Variants in PARD3 observed in about 807,000 individuals in gnomAD.
PARD3 encodes partitioning defective 3 homolog.
PARD3 carries 75 observed loss-of-function variants against 155.4 expected under a neutral mutation model. The ratio of observed to expected loss-of-function variants is 0.48; its 90% CI spans 0.40 to 0.58. The LOEUF (loss-of-function observed/expected upper bound fraction) is 0.58. Among genes scored for constraint, PARD3 ranks in the 20% least tolerant of loss-of-function variants. The pLI is 0.00. For synonymous variants in PARD3, 576 were observed against 610.5 expected, an observed-to-expected ratio of 0.94 and a Z score of 0.83; for missense variants, 1,642 against 1,721.7, an observed-to-expected ratio of 0.95 and a Z score of 0.82.
intron 2 of PARD3, among the ~76,000 whole-genome samples, chr10:34,617,704 A>G (rs2091353643): frequency 6.6e-6 from 1 of 152,254 alleles, no homozygotes; most frequent in Admixed American, 6.5e-5. Context: ...TTCTCAAATT[A>G]AAAGCAAAGC....
At chr10:34,673,725 C>A (rs919577276) in intron 2 of PARD3, among the ~76,000 whole-genome samples, 3 of 152,138 alleles carry the variant, frequency 2.0e-5, no homozygotes, top group Non-Finnish European at 4.4e-5. Context: ...CAAAGTTATT[C>A]TCTCTACTAC....
At position 34,348,045 on chromosome 10, in the gene PARD3, C is replaced by A; in HGVS notation, c.2138G>T (p.Arg713Ile). 2 of 1,613,398 alleles carry A rather than the reference C, an allele frequency of 1.2e-6. No individual in the cohort carries two copies. The highest frequency in any genetic ancestry group is 1.7e-6 in the Non-Finnish European group (2 of 1,179,726). The change falls in exon 15 of 25, where the codon AGA (arginine) becomes ATA (isoleucine). Residue 713 changes from arginine (R) to isoleucine (I), a missense_variant. By Grantham distance (97) the Arg-to-Ile change is moderately conservative. This residue lies in a region of PARD3 where 1,529 missense variants were observed against 1,587.3 expected (regional missense o/e 0.96). Coordinates refer to ENST00000374788, the MANE Select transcript of PARD3 (RefSeq NM_001184785.2). ...CCCACTGTAGAGGGAATGGGAAATT[C>A]TTCGTTCTCTATCATCCAACGCTGT... ...IETALDDRER[R>I]ISHSLYSGIE... is the part of the protein sequence containing the mutation.
chr10:34,693,146 T>C (rs2094102465), intron 2 of PARD3, among the ~76,000 whole-genome samples: 1 of 152,234 alleles, frequency 6.6e-6, no homozygotes, highest in Non-Finnish European at 1.5e-5. Flanking sequence ...TATACGCTGC[T>C]GGTGGGAATG....
In PARD3 at chr10:34,110,077, C is replaced by G. The variant is rs539996256; in HGVS notation, c.*1092G>C. ...CCGCTGTGGGACCCGAAAATGTTCT[C>G]TGTGTGATGTGTAACGGCTTTTCCT... On this transcript the variant is annotated 3_prime_UTR_variant, in exon 25 of 25. Coordinates refer to ENST00000374788, the MANE Select transcript of PARD3 (RefSeq NM_001184785.2). 6.6e-6 allele frequency: 1 copy of G among 152,108 alleles called. No homozygotes were observed. Among genetic ancestry groups the G allele is most frequent in the African/African-American group, 2.4e-5 (1 of 41,494 alleles). 9.4% of individuals were successfully genotyped at this position (152,108 alleles called of 1,614,324 possible).
chr10:34,555,245 T>G (rs951865167), intron 2 of PARD3, among the ~76,000 whole-genome samples: 3 of 152,214 alleles, frequency 2.0e-5, no homozygotes, highest in Non-Finnish European at 4.4e-5. Flanking sequence ...TTCTGTACCT[T>G]GCACTCAATT....
At chr10:34,490,354 A>T (rs2079812081) in intron 3 of PARD3, among the ~76,000 whole-genome samples, 1 of 152,290 alleles carries the variant, frequency 6.6e-6, no homozygotes, top group East Asian at 1.9e-4. Flanking sequence ...TTGTGAGAAG[A>T]AATGGGGAGT....
chr10:34,200,104 T>A (rs1951142398), intron 22 of PARD3, among the ~76,000 whole-genome samples: 2 of 151,326 alleles, frequency 1.3e-5, no homozygotes, highest in Admixed American at 6.6e-5. Flanking sequence ...CAAATAACAA[T>A]CATAATCACA....
chr10:34,228,447 T>C (rs1419475419), intron 22 of PARD3, among the ~76,000 whole-genome samples: 1 of 152,112 alleles, frequency 6.6e-6, no homozygotes, highest in East Asian at 1.9e-4. Context: ...CAAAAAATTA[T>C]ACATATTAAC....
chr10:34,121,550 A>G (rs1947005738), intron 23 of PARD3, among the ~76,000 whole-genome samples: 1 of 152,238 alleles, frequency 6.6e-6, no homozygotes, highest in East Asian at 1.9e-4. Flanking sequence ...GCGAGCTGTA[A>G]GATAACAGGT....
At chr10:34,644,982 T>C (rs534643183) in intron 2 of PARD3, among the ~76,000 whole-genome samples, 3 of 152,226 alleles carry the variant, frequency 2.0e-5, no homozygotes, top group South Asian at 2.1e-4. Context: ...GCCTCCTGAA[T>C]AGCTGGGACT....
intron 24 of PARD3, among the ~76,000 whole-genome samples, chr10:34,113,641 G>A (rs1003298135): frequency 6.6e-6 from 1 of 152,000 alleles, no homozygotes; most frequent in Non-Finnish European, 1.5e-5. Context: ...CCAAGGGAAG[G>A]AAACAGACAA....
At chr10:34,239,845 C>T (rs2133641646) in intron 22 of PARD3, among the ~76,000 whole-genome samples, 1 of 151,694 alleles carries the variant, frequency 6.6e-6, no homozygotes, top group South Asian at 2.1e-4. Context: ...GTAGAAATAC[C>T]CTACCATCTT....
intron 2 of PARD3, among the ~76,000 whole-genome samples, chr10:34,649,395 A>C (rs1016223581): frequency 6.6e-6 from 1 of 152,254 alleles, no homozygotes; most frequent in East Asian, 1.9e-4. Context: ...CCTAGGCTAC[A>C]TGGCATAGCC....
chr10:34,791,543 G>C (rs1841615382), intron 1 of PARD3, among the ~76,000 whole-genome samples: 1 of 152,158 alleles, frequency 6.6e-6, no homozygotes, highest in Non-Finnish European at 1.5e-5. Flanking sequence ...GGGGACATGT[G>C]GCAAAGAAGG....
intron 1 of PARD3, among the ~76,000 whole-genome samples, chr10:34,785,579 AC>A (rs1164082110): frequency 6.6e-6 from 1 of 152,106 alleles, no homozygotes; most frequent in Non-Finnish European, 1.5e-5. Context: ...GACCATGTCT[AC>A]AAAAAAATTA....
intron 20 of PARD3, among the ~76,000 whole-genome samples, chr10:34,311,933 C>T (rs1957723072): frequency 1.3e-5 from 2 of 152,286 alleles, no homozygotes; most frequent in South Asian, 4.1e-4. Context: ...GTAACATCTG[C>T]CTGTGTCCCA....
chr10:34,608,816 G>A (rs2090667298), intron 2 of PARD3, among the ~76,000 whole-genome samples: 1 of 152,106 alleles, frequency 6.6e-6, no homozygotes, highest in Admixed American at 6.5e-5. Context: ...TTACAGGCAT[G>A]AGCCACCGCA....
intron 19 of PARD3, among the ~76,000 whole-genome samples, chr10:34,324,316 T>G (rs1341262110): frequency 6.6e-6 from 1 of 152,182 alleles, no homozygotes; most frequent in Non-Finnish European, 1.5e-5. Flanking sequence ...TTTCCTGATG[T>G]TAAAAAAATA....
chr10:34,205,143 G>T (rs1951409709), intron 22 of PARD3, among the ~76,000 whole-genome samples: 1 of 152,034 alleles, frequency 6.6e-6, no homozygotes, highest in South Asian at 2.1e-4. Context: ...AATCAGTTAG[G>T]TGTGTTATAC....
Sources: allele counts gnomAD v4.1 joint callset (sites outside exome capture counted in the v4.1 genomes callset), GRCh38; gene constraint gnomAD v4.1.1; regional missense constraint gnomAD v4.1.1; transcripts MANE v1.5; gene names NCBI Gene and HGNC (gene_info 2026-07-23, HGNC 2026-07-21).